The following UBR4 variants were observed in gnomAD, a reference collection of about 807,000 sequenced individuals.
UBR4 encodes the protein ubiquitin protein ligase E3 component n-recognin 4.
A neutral mutation model predicts 575.6 loss-of-function variants in UBR4; 124 were observed. The observed-to-expected ratio is 0.22, with a 90% CI of 0.19 to 0.25. The LOEUF (loss-of-function observed/expected upper bound fraction) is 0.25. Among genes scored for constraint, UBR4 ranks in the 10% least tolerant of loss-of-function variants. The pLI is 1.00. For missense variants in UBR4, 4,818 were observed against 6,478.8 expected, an observed-to-expected ratio of 0.74 and a Z score of 8.80; for synonymous variants, 2,455 against 2,473.7, an observed-to-expected ratio of 0.99 and a Z score of 0.22.
At chr1:19,091,807 C>T (rs1174767085) in intron 97 of UBR4, among the ~76,000 whole-genome samples, 1 of 152,176 alleles carries the variant, frequency 6.6e-6, no homozygotes, top group Admixed American at 6.5e-5. Context: ...CAACTGCACT[C>T]TTGGGCATTT....
chr1:19,119,383 G>A (rs1056491802), intron 70 of UBR4, among the ~76,000 whole-genome samples, 174 bp downstream of exon 70: 1 of 152,162 alleles, frequency 6.6e-6, no homozygotes, highest in African/African-American at 2.4e-5. Context: ...AGTGTATACT[G>A]TCTACATCAC....
chr1:19,161,255 G>T, intron 37 of UBR4, 108 bp from the exon 38 acceptor site: 1 of 1,030,790 alleles, frequency 9.7e-7, no homozygotes, highest in Non-Finnish European at 1.4e-6. Flanking sequence ...CTGGCTAAGC[G>T]TTTCAATGTT....
chr1:19,187,374 A>C, intron 12 of UBR4, 67 bp downstream of exon 12: 3 of 1,610,888 alleles, frequency 1.9e-6, no homozygotes, highest in Non-Finnish European at 1.7e-6. Flanking sequence ...TTGATGGATC[A>C]AGCTTGCTTG....
chr1:19,167,883 C>G (rs761364904), intron 28 of UBR4, 144 bp downstream of exon 28: 6 of 871,190 alleles, frequency 6.9e-6, no homozygotes, highest in Non-Finnish European at 9.8e-6. Flanking sequence ...TAGGTAAGTG[C>G]TTATACTTTA....
chr1:19,134,555 A>C (rs578165965), intron 60 of UBR4, among the ~76,000 whole-genome samples: 1 of 152,376 alleles, frequency 6.6e-6, no homozygotes, highest in African/African-American at 2.4e-5. Context: ...TCAGAGACAA[A>C]GTTTAGGAAA....
Position 19,192,177 on chromosome 1 carries a change from T to A in UBR4, c.1394+11A>T. 1 of 1,610,490 alleles carries A rather than the reference T, an allele frequency of 6.2e-7. No homozygotes were observed. The highest frequency in any genetic ancestry group is 2.2e-5 in the East Asian group (1 of 44,806). On this transcript the variant is annotated intron_variant, in intron 11 of 105. Transcript: ENST00000375254. ...AAACAAAATATAAGTTATAATCAAG[T>A]AGACACATACCCTTTTCCAGGCCCC... is the stretch of plus-strand genomic sequence containing the variant.
chr1:19,151,153 T>TA (rs2085640003), intron 48 of UBR4: 1 of 338,882 alleles, frequency 3.0e-6, no homozygotes, highest in African/African-American at 2.1e-5. Flanking sequence ...ACAGCAACTA[T>TA]ATCTAGAAGA....
Position 19,119,593 on chromosome 1 carries a change from T to C in UBR4, c.10419A>G (p.Gly3473=). 6.2e-7 allele frequency: 1 copy of C among 1,613,966 alleles called. No individual in the cohort carries two copies. The highest frequency in any genetic ancestry group is 1.3e-5 in the African/African-American group (1 of 75,028). ...TTTGTGGAGTTTTCAGGGAGAAATA[T>C]CCTAGTAGGTCCACAAACTGGGCAG... The part of the protein sequence containing the change: ...RKAAQFVDLL[G]YFSLKTPQTE... Residue 3473 remains glycine (G), a synonymous_variant, in exon 70 of 106, where the codon GGA becomes GGG. Transcript: ENST00000375254.
intron 74 of UBR4, among the ~76,000 whole-genome samples, 199 bp downstream of exon 74, chr1:19,115,199 G>GCGCA (rs2080369499): frequency 7.9e-6 from 1 of 127,058 alleles, no homozygotes; most frequent in African/African-American, 3.1e-5. Context: ...GTGTGCACAT[G>GCGCA]CACACACACA....
intron 103 of UBR4, chr1:19,080,082 A>G (rs1343043576): frequency 3.3e-5 from 5 of 152,228 alleles, no homozygotes; most frequent in Admixed American, 6.5e-5. Flanking sequence ...ACTGTGCCCA[A>G]TAAATGGCCA....
At chr1:19,129,127 A>C (rs1438392455) in intron 60 of UBR4, 53 bp from the exon 61 acceptor site, 6 of 1,503,076 alleles carry the variant, frequency 4.0e-6, no homozygotes, top group Admixed American at 1.7e-5. Context: ...AACAGGACAC[A>C]GCTGAATACA....
intron 103 of UBR4, chr1:19,081,132 C>G: frequency 1.9e-6 from 1 of 520,108 alleles, no homozygotes; most frequent in South Asian, 3.0e-5. Flanking sequence ...CTGGCTCTAC[C>G]TTTCTAGTAG....
intron 104 of UBR4, 115 bp from the exon 105 acceptor site, chr1:19,077,017 C>G (rs2076009808): frequency 8.8e-7 from 1 of 1,137,960 alleles, no homozygotes; most frequent in Non-Finnish European, 1.2e-6. Context: ...CAACCTACAC[C>G]AAAGCATACC....
chr1:19,156,650 G>A (rs1229198458), intron 41 of UBR4, 117 bp downstream of exon 41: 2 of 1,437,562 alleles, frequency 1.4e-6, no homozygotes, highest in East Asian at 2.3e-5. Flanking sequence ...TTGCATTTCA[G>A]TAGGTTTTAA....
At chr1:19,141,581 A>G in intron 56 of UBR4, 57 bp from the exon 57 acceptor site, 1 of 1,600,354 alleles carries the variant, frequency 6.2e-7, no homozygotes. Context: ...TTGGAAGTCC[A>G]CTGAATAAGA....
Position 19,089,049 on chromosome 1 carries a change from G to A in UBR4, c.14212-72C>T. On this transcript the variant is annotated intron_variant, in intron 97 of 105. Transcript: ENST00000375254. This position sits in a 1 kb window ranked among gnomAD's most constrained non-coding sequence, Gnocchi z 4.3. ...AAACCTTCTTCCCGGGAGCTTAAAG[G>A]TTTAGAAACTCAACCAGCATGCACC... 1 of 1,496,610 alleles carries A rather than the reference G, an allele frequency of 6.7e-7. No homozygotes were observed. Among genetic ancestry groups the A allele is most frequent in the Non-Finnish European group, 9.1e-7 (1 of 1,095,366 alleles). The allele number at this position is 1,496,610 out of a possible 1,614,324, so 92.7% of individuals were successfully genotyped here.
rs775582180 is a variant in UBR4 at position 19,100,541 on chromosome 1, G to C, written c.13056C>G (p.Thr4352=). The C allele has an allele frequency of 6.2e-7, 1 of 1,613,938 alleles. No individual in the cohort carries two copies. Among genetic ancestry groups the C allele is most frequent in the Admixed American group, 1.7e-5 (1 of 60,002 alleles). The part of the protein sequence containing the change: ...EENEVTEFFV[T]LEKDPQQEDF... ...CTTCTTGTTGGGGATCCTTCTCCAG[G>C]GTCACAAAGAACTCAGTGACTTCAT... The change falls in exon 89 of 106, where the codon ACC becomes ACG. Residue 4352 remains threonine (T), a synonymous_variant. Transcript: ENST00000375254. The surrounding 1 kb of genome is among the most constrained non-coding windows in gnomAD (Gnocchi z 4.2).
intron 34 of UBR4, 120 bp from the exon 35 acceptor site, chr1:19,162,731 A>T (rs1456422474): frequency 8.1e-7 from 1 of 1,231,846 alleles, no homozygotes; most frequent in African/African-American, 1.5e-5. Context: ...GCAGAGAAGA[A>T]AAACAGTGTG....
At chr1:19,099,061 C>T (rs988043083) in intron 90 of UBR4, among the ~76,000 whole-genome samples, 2 of 152,212 alleles carry the variant, frequency 1.3e-5, no homozygotes, top group Non-Finnish European at 2.9e-5. Context: ...CAGCATCACT[C>T]GTGGTGGCCA....
Sources: allele counts gnomAD v4.1 joint callset (sites outside exome capture counted in the v4.1 genomes callset), GRCh38; gene constraint gnomAD v4.1.1; non-coding constraint Gnocchi (gnomAD v3.1); transcripts MANE v1.5; gene names NCBI Gene and HGNC (gene_info 2026-07-23, HGNC 2026-07-21).